AGPAT5: variants seen among roughly 807,000 people sequenced by gnomAD.
The protein encoded by AGPAT5 is 1-acylglycerol-3-phosphate O-acyltransferase 5.
A neutral mutation model predicts 45.6 loss-of-function variants in AGPAT5; 46 were observed. That is an observed-to-expected ratio of 1.01 (90% CI 0.80 to 1.29). AGPAT5 has a LOEUF of 1.29. Ranked by LOEUF, AGPAT5 falls within the 50% of genes most tolerant of loss-of-function variation. The pLI is 0.00. For synonymous variants in AGPAT5, 272 were observed against 167.0 expected, an observed-to-expected ratio of 1.63 and a Z score of -4.85; for missense variants, 673 against 450.7, an observed-to-expected ratio of 1.49 and a Z score of -4.47.
intron 4 of AGPAT5, among the ~76,000 whole-genome samples, chr8:6,733,606 G>A (rs1325661617): frequency 6.6e-6 from 1 of 152,186 alleles, no homozygotes; most frequent in East Asian, 1.9e-4. Context: ...TCTTCAAAGG[G>A]TCTGTTTAGT....
Position 6,755,122 on chromosome 8 carries a change from G to T in AGPAT5, c.817G>T (p.Glu273Ter), listed in dbSNP as rs1224773156. ...DRIDKKDVPEEQEHMRRWLHE... is the reference protein window; with the variant it reads ...DRIDKKDVPE ...TATCGACAAAAAAGATGTCCCAGAA[G>T]AACAAGAACATATGAGAAGATGGCT... Residue 273 changes from glutamate to a stop codon, truncating the protein, a stop_gained, in exon 7 of 8, where the codon GAA becomes TAA. Transcript: ENST00000285518. LOFTEE classifies it high-confidence loss of function. 1 of 1,609,060 alleles carries T rather than the reference G, an allele frequency of 6.2e-7. No individual in the cohort carries two copies. The highest frequency in any genetic ancestry group is 1.3e-5 in the African/African-American group (1 of 74,718).
chr8:6,712,309 C>T (rs1458226344), intron 1 of AGPAT5, among the ~76,000 whole-genome samples: 1 of 152,020 alleles, frequency 6.6e-6, no homozygotes, highest in Non-Finnish European at 1.5e-5. Flanking sequence ...GTATAATAAC[C>T]AACTTATTCA....
intron 5 of AGPAT5, chr8:6,746,224 C>G (rs904825697): frequency 1.3e-5 from 2 of 152,438 alleles, no homozygotes; most frequent in African/African-American, 4.8e-5. Context: ...TGCTCTTCCA[C>G]TTATCTTTGC....
At chr8:6,718,404 C>T (rs550424253) in intron 1 of AGPAT5, among the ~76,000 whole-genome samples, 1 of 152,320 alleles carries the variant, frequency 6.6e-6, no homozygotes, top group South Asian at 2.1e-4. Context: ...CGTGACCTCA[C>T]ATTTCCAATT....
intron 6 of AGPAT5, among the ~76,000 whole-genome samples, chr8:6,751,740 G>A (rs1465014196): frequency 6.6e-6 from 1 of 152,114 alleles, no homozygotes; most frequent in Non-Finnish European, 1.5e-5. Flanking sequence ...TTCTGAAGTG[G>A]CTGTTGTAAT....
At chr8:6,723,316 G>A (rs940911064) in intron 1 of AGPAT5, among the ~76,000 whole-genome samples, 3 of 152,192 alleles carry the variant, frequency 2.0e-5, no homozygotes, top group Non-Finnish European at 2.9e-5. Context: ...TGCTCCTGAA[G>A]GAGTGTGGGC....
chr8:6,754,613 A>G (rs1279177058), intron 6 of AGPAT5, among the ~76,000 whole-genome samples: 4 of 152,102 alleles, frequency 2.6e-5, no homozygotes, highest in Non-Finnish European at 5.9e-5. Flanking sequence ...TGGAGCTCGC[A>G]GTCTGGTGGG....
intron 5 of AGPAT5, among the ~76,000 whole-genome samples, chr8:6,744,864 C>G (rs564839552): frequency 1.3e-5 from 2 of 152,332 alleles, no homozygotes; most frequent in East Asian, 3.9e-4. Context: ...TTTCCTCAGC[C>G]CTTGGCAACC....
At chr8:6,743,124 C>A (rs1386008645) in intron 5 of AGPAT5, among the ~76,000 whole-genome samples, 1 of 152,190 alleles carries the variant, frequency 6.6e-6, no homozygotes, top group African/African-American at 2.4e-5. Flanking sequence ...CATTATCCTC[C>A]CAACTCTCTG....
At position 6,759,776 on chromosome 8, in the gene AGPAT5, T is replaced by G. The variant is rs915895863; in HGVS notation, c.*2388T>G. 2.6e-5 allele frequency: 4 copies of G among 152,224 alleles called. No homozygotes were observed. Among genetic ancestry groups the G allele is most frequent in the Non-Finnish European group, 4.4e-5 (3 of 68,040 alleles). The allele number at this position is 152,224 out of a possible 1,614,324, so 9.4% of individuals were successfully genotyped here. ...TTCTTCACAATATTTTTCCCTAAGCTTTGAGCAAAGTTTTAAAAAAATACA... is the reference window on the plus strand; with the variant it reads ...TTCTTCACAATATTTTTCCCTAAGCGTTGAGCAAAGTTTTAAAAAAATACA... On this transcript the variant is annotated 3_prime_UTR_variant, in exon 8 of 8. Coordinates refer to ENST00000285518, the MANE Select transcript of AGPAT5 (RefSeq NM_018361.5).
intron 1 of AGPAT5, among the ~76,000 whole-genome samples, chr8:6,715,830 T>C (rs981737876): frequency 6.6e-6 from 1 of 152,238 alleles, no homozygotes; most frequent in Non-Finnish European, 1.5e-5. Flanking sequence ...GAGAAGGCTA[T>C]AAAAATTACT....
At chr8:6,724,370 T>C (rs1800611608) in intron 1 of AGPAT5, among the ~76,000 whole-genome samples, 1 of 152,170 alleles carries the variant, frequency 6.6e-6, no homozygotes, top group African/African-American at 2.4e-5. Flanking sequence ...TCCTACCTAA[T>C]AATACTCCTG....
intron 5 of AGPAT5, among the ~76,000 whole-genome samples, chr8:6,746,763 C>G (rs2116943367): frequency 6.6e-6 from 1 of 152,302 alleles, no homozygotes; most frequent in Admixed American, 6.5e-5. Context: ...TACTTTCCCT[C>G]CAGAGAGGCC....
In AGPAT5 at chr8:6,732,607, A is replaced by G; in HGVS notation, c.452A>G (p.Glu151Gly). The change falls in exon 4 of 8, where the codon GAG (glutamate) becomes GGG (glycine). Residue 151 changes from glutamate (E) to glycine (G), a missense_variant. Coordinates refer to ENST00000285518, the MANE Select transcript of AGPAT5 (RefSeq NM_018361.5). Reference protein sequence around the residue: ...VKRSAKFNEKEMRNKLQSYVD... With the variant: ...VKRSAKFNEKGMRNKLQSYVD... Reference sequence around the variant, plus strand: ...CGCAGTGCCAAATTTAACGAGAAAGAGATGCGAAACAAGTTGCAGAGCTAC... The same window carrying G: ...CGCAGTGCCAAATTTAACGAGAAAGGGATGCGAAACAAGTTGCAGAGCTAC... The G allele has an allele frequency of 6.2e-7, 1 of 1,611,452 alleles. No homozygotes were observed. The highest frequency in any genetic ancestry group is 1.7e-4 in the Middle Eastern group (1 of 6,056).
chr8:6,733,085 C>T (rs183139791), intron 4 of AGPAT5, among the ~76,000 whole-genome samples: 1 of 152,192 alleles, frequency 6.6e-6, no homozygotes, highest in African/African-American at 2.4e-5. Context: ...GGATGAATCT[C>T]TACAAATGTT....
chr8:6,755,023 A>C (rs373235746), intron 6 of AGPAT5, 28 bp from the exon 7 acceptor site: 43 of 1,543,534 alleles, frequency 2.8e-5, no homozygotes, highest in Non-Finnish European at 1.7e-6. Flanking sequence ...AATAGTAAAA[A>C]AAAAGAATTA....
intron 2 of AGPAT5, among the ~76,000 whole-genome samples, chr8:6,726,388 A>T (rs535888567): frequency 4.3e-4 from 65 of 152,224 alleles, no homozygotes; most frequent in African/African-American, 1.4e-3. Context: ...GTTTAACAGG[A>T]TTCTCTTAAA....
chr8:6,727,691 C>G (rs1316747158), intron 2 of AGPAT5, among the ~76,000 whole-genome samples: 1 of 152,168 alleles, frequency 6.6e-6, no homozygotes. Flanking sequence ...TGCTATTTGC[C>G]TTTTTAATCT....
At chr8:6,751,573 C>T (rs987242411) in intron 6 of AGPAT5, among the ~76,000 whole-genome samples, 1 of 152,164 alleles carries the variant, frequency 6.6e-6, no homozygotes, top group Non-Finnish European at 1.5e-5. Flanking sequence ...TTGTCCTTCC[C>T]GTTTTATGGT....
Sources: gnomAD v4.1 joint callset for allele counts (sites outside exome capture counted in the v4.1 genomes callset) on GRCh38, gnomAD v4.1.1 for gene constraint, MANE v1.5 for transcripts, NCBI Gene and HGNC (gene_info 2026-07-23, HGNC 2026-07-21) for gene names.